Variants in DNAJA1 observed in about 807,000 individuals in gnomAD.
DNAJA1 encodes the protein dnaJ homolog subfamily A member 1.
DNAJA1 carries 26 observed loss-of-function variants against 47.6 expected under a neutral mutation model. The ratio of observed to expected loss-of-function variants is 0.55; its 90% CI spans 0.40 to 0.76. The LOEUF (loss-of-function observed/expected upper bound fraction) is 0.76, where lower values mean the gene tolerates loss of function less well. Ranked by LOEUF, DNAJA1 falls within the 30% of genes least tolerant of loss-of-function variation. The probability of loss-of-function intolerance (pLI) is 0.00; values close to 1 mark genes in which losing one functional copy is unlikely to be tolerated. For synonymous variants in DNAJA1, 165 were observed against 158.4 expected, an observed-to-expected ratio of 1.04 and a Z score of -0.31; for missense variants, 315 against 485.0, an observed-to-expected ratio of 0.65 and a Z score of 3.29.
At chr9:33,030,102 C>T in intron 4 of DNAJA1, 113 bp downstream of exon 4, 2 of 1,033,676 alleles carry the variant, frequency 1.9e-6, no homozygotes, top group East Asian at 2.6e-5. Context: ...ATGTACACTA[C>T]CTAGATTTTG....
Position 33,030,409 on chromosome 9 carries a change from A to G in DNAJA1, c.416-31A>G, listed in dbSNP as rs765016656. The G allele has an allele frequency of 3.2e-6, 5 of 1,580,240 alleles. 1 individual carries two copies. The South Asian group carries it at 4.5e-5, about 14-fold the overall frequency. ...TTACTACTGTATACACTACTAATTC[A>G]TACATTATTTAATTTTCTTTTTAAA... On this transcript the variant is annotated intron_variant, in intron 4 of 8. Coordinates refer to ENST00000330899, the MANE Select transcript of DNAJA1 (RefSeq NM_001539.4).
chr9:33,030,757 T>A, intron 5 of DNAJA1, 90 bp downstream of exon 5: 1 of 1,090,080 alleles, frequency 9.2e-7, no homozygotes, highest in Non-Finnish European at 1.3e-6. Flanking sequence ...CATTCTTAAT[T>A]AGGTTATATA....
chr9:33,037,674 C>A (rs1367770180), intron 8 of DNAJA1, among the ~76,000 whole-genome samples: 1 of 151,902 alleles, frequency 6.6e-6, no homozygotes, highest in Non-Finnish European at 1.5e-5. Context: ...AGAATGAGAC[C>A]CTGTCTCAAA....
intron 7 of DNAJA1, 33 bp downstream of exon 7, chr9:33,036,722 T>C (rs2119395776): frequency 6.7e-7 from 1 of 1,484,828 alleles, no homozygotes; most frequent in Non-Finnish European, 9.3e-7. Context: ...AACTTCTCTT[T>C]TCTATTCTAG....
chr9:33,026,762 G>C, intron 2 of DNAJA1, 51 bp from the exon 3 acceptor site: 4 of 1,598,816 alleles, frequency 2.5e-6, no homozygotes, highest in Non-Finnish European at 3.4e-6. Context: ...AATGTAGCTA[G>C]GTAACACTTG....
rs1415600229 is a variant in DNAJA1 at position 33,030,656 on chromosome 9, A to G, written c.632A>G (p.His211Arg). 1 of 1,611,602 alleles carries G rather than the reference A, an allele frequency of 6.2e-7. No individual in the cohort carries two copies. The highest frequency in any genetic ancestry group is 8.5e-7 in the Non-Finnish European group (1 of 1,178,866). ...CGAGAGAAGAAAATTTTAGAAGTTC[A>G]TATTGACAAAGGTGAGTTCTGAGTT... The part of the protein sequence containing the change: ...IVREKKILEV[H>R]IDKGMKDGQK... The change falls in exon 5 of 9, where the codon CAT becomes CGT. Residue 211 changes from histidine (H) to arginine (R), a missense_variant. His to Arg is a conservative substitution (Grantham distance 29). Transcript: ENST00000330899.
chr9:33,033,310 C>G lies in DNAJA1; in HGVS notation c.644-906C>G, dbSNP rs1436463965. Among the ~76,000 whole-genome samples the G allele has an allele frequency of 2.0e-5, 3 of 152,142 alleles. No individual in the cohort carries two copies. In the East Asian group the frequency reaches 5.8e-4, roughly 29 times the overall value. On this transcript the variant is annotated intron_variant, in intron 5 of 8. Coordinates refer to ENST00000330899, the MANE Select transcript of DNAJA1 (RefSeq NM_001539.4). ...TTTAAATGAGACAAGGTCTGGAACTCCTGTGCTCCAGGGTGCTATCCTCAG... is the reference window on the plus strand; with the variant it reads ...TTTAAATGAGACAAGGTCTGGAACTGCTGTGCTCCAGGGTGCTATCCTCAG...
chr9:33,028,846 G>A (rs1838916080), intron 3 of DNAJA1, among the ~76,000 whole-genome samples: 1 of 152,206 alleles, frequency 6.6e-6, no homozygotes, highest in Non-Finnish European at 1.5e-5. Flanking sequence ...GGAACTATAA[G>A]CAGAAGGACA....
Position 33,037,037 on chromosome 9 carries a change from T to C in DNAJA1, c.897T>C (p.Asp299=). ...TAGGTCAGATTGTCAAGCATGGAGA[T>C]ATCAAGTGTGTACTAAATGAAGGCA... ...SHPGQIVKHG[D]IKCVLNEGMP... is the part of the protein sequence containing the mutation. The change falls in exon 8 of 9, where the codon GAT becomes GAC. Residue 299 remains aspartate, a synonymous_variant. Coordinates refer to ENST00000330899, the MANE Select transcript of DNAJA1 (RefSeq NM_001539.4). The C allele has an allele frequency of 6.2e-7, 1 of 1,612,402 alleles. No individual in the cohort carries two copies. Among genetic ancestry groups the C allele is most frequent in the Non-Finnish European group, 8.5e-7 (1 of 1,179,656 alleles).
In DNAJA1 at chr9:33,039,645, A is replaced by G. The variant is rs547875231; in HGVS notation, c.*742A>G. On this transcript the variant is annotated 3_prime_UTR_variant, in exon 9 of 9. Transcript: ENST00000330899. The stretch of plus-strand genomic sequence containing the variant: ...AGTAGTGACTTCAGAGCTGGGTAAC[A>G]GAAATTAAAGTGAAAAGACCTTTAC... The G allele has an allele frequency of 2.0e-5, 3 of 151,156 alleles. No homozygotes were observed. The highest frequency in any genetic ancestry group is 4.2e-4 in the South Asian group (2 of 4,790). 9.4% of individuals were successfully genotyped at this position (151,156 alleles called of 1,614,324 possible).
chr9:33,028,025 CAAAAAAA>C (rs144327341), intron 3 of DNAJA1, among the ~76,000 whole-genome samples: 850 of 77,920 alleles, frequency 0.011, 5 homozygotes, highest in Non-Finnish European at 0.015. Flanking sequence ...ACTCTTGTCT[CAAAAAAA>C]AAAAAAAAAA....
At position 33,028,900 on chromosome 9, in the gene DNAJA1, A is replaced by G. The variant is rs1838917204; in HGVS notation, c.311-985A>G. Among the ~76,000 whole-genome samples, 4 of 152,242 alleles carry G rather than the reference A, an allele frequency of 2.6e-5. No homozygotes were observed. In the South Asian group the frequency reaches 8.3e-4, roughly 31 times the overall value. On this transcript the variant is annotated intron_variant, in intron 3 of 8. Coordinates refer to ENST00000330899, the MANE Select transcript of DNAJA1 (RefSeq NM_001539.4). ...GCTTGATTAGAAAGTTAAAATGTTC[A>G]TTAGGCATATTGTACAGAAACGAGT...
rs560649342 is a variant in DNAJA1, at chr9:33,039,827, T to C, written c.*924T>C. 5.1e-4 allele frequency: 77 copies of C among 152,260 alleles called. No homozygotes were observed. Among genetic ancestry groups the C allele is most frequent in the African/African-American group, 1.8e-3 (74 of 41,562 alleles). 9.4% of individuals were successfully genotyped at this position (152,260 alleles called of 1,614,324 possible). A position where few individuals can be genotyped will look rare whatever the true frequency, so the allele number is the denominator to read the frequency against. On this transcript the variant is annotated 3_prime_UTR_variant, in exon 9 of 9. Transcript: ENST00000330899. The stretch of plus-strand genomic sequence containing the variant: ...TGTTTAAAAGTCTCATATGTTCACA[T>C]GCTTAAATCTGGGTATCAGAATTTA...
At chr9:33,035,594 C>T (rs781029974) in intron 6 of DNAJA1, among the ~76,000 whole-genome samples, 30 of 152,080 alleles carry the variant, frequency 2.0e-4, no homozygotes, top group African/African-American at 5.8e-4. Flanking sequence ...CTCAGCCTCC[C>T]GAGTAGCTGG....
At position 33,038,750 on chromosome 9, in the gene DNAJA1, C is replaced by G. The variant is rs778896977; in HGVS notation, c.1041C>G (p.Pro347=). 52 of 1,613,944 alleles carry G rather than the reference C, an allele frequency of 3.2e-5. No homozygotes were observed. The highest frequency in any genetic ancestry group is 4.3e-5 in the Non-Finnish European group (51 of 1,180,006). The change falls in exon 9 of 9, where the codon CCC becomes CCG. Residue 347 remains proline (P), a synonymous_variant. Transcript: ENST00000330899. ...DKLSLLEKLL[P]ERKEVEETDE... ...TGTCTTTGCTGGAAAAACTCCTACCCGAGAGGAAGGAAGTGGAAGAGACTG... is the reference window on the plus strand; with the variant it reads ...TGTCTTTGCTGGAAAAACTCCTACCGGAGAGGAAGGAAGTGGAAGAGACTG...
At chr9:33,026,705 A>G in intron 2 of DNAJA1, 89 bp downstream of exon 2, 3 of 1,563,728 alleles carry the variant, frequency 1.9e-6, no homozygotes, top group South Asian at 1.2e-5. Context: ...AGTATCTAAT[A>G]TAGTAACTAT....
At chr9:33,033,941 T>A (rs913131977) in intron 5 of DNAJA1, among the ~76,000 whole-genome samples, 1 of 152,170 alleles carries the variant, frequency 6.6e-6, no homozygotes, top group Non-Finnish European at 1.5e-5. Flanking sequence ...GTGGGAAAGT[T>A]GAAACTTGGA....
chr9:33,036,990 A>G, intron 7 of DNAJA1, 25 bp from the exon 8 acceptor site: 2 of 1,592,664 alleles, frequency 1.3e-6, no homozygotes, highest in Non-Finnish European at 1.7e-6. Flanking sequence ...ATACTTAAGG[A>G]AGAACTTGGC....
intron 8 of DNAJA1, 104 bp downstream of exon 8, chr9:33,037,219 C>G: frequency 1.1e-6 from 1 of 912,292 alleles, no homozygotes; most frequent in South Asian, 1.7e-5. Flanking sequence ...TGCCTGTAAT[C>G]CCCGCATTTT....
Sources: allele counts gnomAD v4.1 joint callset (sites outside exome capture counted in the v4.1 genomes callset), GRCh38; gene constraint gnomAD v4.1.1; transcripts MANE v1.5; gene names NCBI Gene and HGNC (gene_info 2026-07-23, HGNC 2026-07-21).